Variants in KIF13A observed in about 807,000 individuals in gnomAD.
KIF13A encodes the protein kinesin-like protein KIF13A.
In KIF13A, 79 loss-of-function variants were observed where a neutral mutation model predicts 212.2. That is an observed-to-expected ratio of 0.37 (90% confidence interval 0.31 to 0.45). The LOEUF (loss-of-function observed/expected upper bound fraction) is 0.45, where lower values mean the gene tolerates loss of function less well. Ranked by LOEUF, KIF13A falls within the 20% of genes least tolerant of loss-of-function variation. The pLI, the probability that KIF13A is intolerant of heterozygous loss-of-function variation, is 1.00. For missense variants in KIF13A, 1,901 were observed against 2,209.0 expected (o/e 0.86, Z 2.79); for synonymous variants, 789 against 808.6 (o/e 0.98, Z 0.41).
rs573814461 is a variant in KIF13A at position 17,984,544 on chromosome 6, G to C, written c.146+2510C>G. ...GTCCTAGCTACACAGTCTTGGCTTT[G>C]GTTTTGTAAAATGGGGAAACAATGA... On this transcript the variant is annotated intron_variant, in intron 2 of 38. Transcript: ENST00000259711. The surrounding 1 kb of genome is among the most constrained non-coding windows in gnomAD (Gnocchi z 5.0). The C allele has an allele frequency of 6.0e-5, 59 of 984,114 alleles. No homozygotes were observed. The African/African-American group carries it at 9.5e-4, about 16-fold the overall frequency. The allele number at this position is 984,114 out of a possible 1,614,324, so 61.0% of individuals were successfully genotyped here.
chr6:17,922,487 T>C (rs997291842), intron 2 of KIF13A, among the ~76,000 whole-genome samples: 6 of 151,774 alleles, frequency 4.0e-5, no homozygotes, highest in Non-Finnish European at 8.8e-5. Flanking sequence ...AAAAAAATAA[T>C]GTTGAAAGAA....
rs755138251 is a variant in KIF13A, at chr6:17,987,371, G to T, written c.55+38C>A. The stretch of plus-strand genomic sequence containing the variant: ...GTTTCTAAAGTTGCCCCCGCCCTCA[G>T]CCCGAGCAGAAATAAAAAAGAGCGG... On this transcript the variant is annotated intron_variant, in intron 1 of 38. Coordinates refer to ENST00000259711, the MANE Select transcript of KIF13A (RefSeq NM_022113.6). The surrounding 1 kb of genome is among the most constrained non-coding windows in gnomAD (Gnocchi z 7.7). The T allele has an allele frequency of 3.8e-6, 5 of 1,317,590 alleles. No individual in the cohort carries two copies. Among genetic ancestry groups the T allele is most frequent in the Non-Finnish European group, 4.0e-6 (4 of 1,000,794 alleles). The allele number at this position is 1,317,590 out of a possible 1,614,324, so 81.6% of individuals were successfully genotyped here. A position where few individuals can be genotyped will look rare whatever the true frequency, so the allele number is the denominator to read the frequency against.
rs1379518814 is a variant in KIF13A at position 17,816,059 on chromosome 6, C to G, written c.2000+961G>C. 1.3e-5 allele frequency among the ~76,000 whole-genome samples: 2 copies of G among 149,626 alleles called. No individual in the cohort carries two copies. The highest frequency in any genetic ancestry group is 4.9e-5 in the African/African-American group (2 of 40,490). On this transcript the variant is annotated intron_variant, in intron 17 of 38. Transcript: ENST00000259711. This position sits in a 1 kb window ranked among gnomAD's most constrained non-coding sequence, Gnocchi z 4.3. ...AGTAGCTGGGATTACAGGCGCCTGC[C>G]ACCATGCGCTGCTATTTTTTCTTTT...
At chr6:17,932,222 AAAT>A (rs1440277532) in intron 2 of KIF13A, among the ~76,000 whole-genome samples, 1 of 152,196 alleles carries the variant, frequency 6.6e-6, no homozygotes, top group African/African-American at 2.4e-5. Flanking sequence ...ATACTGTTTA[AAAT>A]TTTACATCCA....
intron 38 of KIF13A, among the ~76,000 whole-genome samples, chr6:17,766,219 G>GATTT (rs57491415): frequency 0.17 from 24,045 of 144,562 alleles, 2,311 homozygotes; most frequent in Admixed American, 0.25. Context: ...TTATTTTTAA[G>GATTT]ATTTATTTAT....
At chr6:17,986,081 T>C (rs1482233494) in intron 2 of KIF13A, among the ~76,000 whole-genome samples, 3 of 152,228 alleles carry the variant, frequency 2.0e-5, no homozygotes, top group Non-Finnish European at 4.4e-5. Flanking sequence ...GAGTCTCTCT[T>C]CAGTGAAAAT....
chr6:17,930,777 C>T (rs973207253), intron 2 of KIF13A, among the ~76,000 whole-genome samples: 1 of 152,210 alleles, frequency 6.6e-6, no homozygotes, highest in Non-Finnish European at 1.5e-5. Context: ...ACGCTTCTAA[C>T]AGGCTTTCTC....
In KIF13A at chr6:17,895,813, C is replaced by T. The variant is rs1772507155; in HGVS notation, c.159+2355G>A. Among the ~76,000 whole-genome samples the T allele has an allele frequency of 6.6e-6, 1 of 152,194 alleles. No individual in the cohort carries two copies. Among genetic ancestry groups the T allele is most frequent in the South Asian group, 2.1e-4 (1 of 4,836 alleles). On this transcript the variant is annotated intron_variant, in intron 3 of 38. Transcript: ENST00000259711. This position sits in a 1 kb window ranked among gnomAD's most constrained non-coding sequence, Gnocchi z 4.4. ...TAACTTGGCTTATCTCCAGTGCCTT[C>T]AAGCACAAGTTTTTAATATTTTGTC... is the stretch of plus-strand genomic sequence containing the variant.
chr6:17,984,387 G>T lies in KIF13A; in HGVS notation c.146+2667C>A. 3.3e-6 allele frequency: 1 copy of T among 307,530 alleles called. No homozygotes were observed. The highest frequency in any genetic ancestry group is 4.8e-6 in the Non-Finnish European group (1 of 210,396). 19.1% of individuals were successfully genotyped at this position (307,530 alleles called of 1,614,324 possible). On this transcript the variant is annotated intron_variant, in intron 2 of 38. Transcript: ENST00000259711. This position sits in a 1 kb window ranked among gnomAD's most constrained non-coding sequence, Gnocchi z 5.0. ...ATGGTATTTTAAGAAACAAATCCATGTGTCTTAATGTTTCAGAATGGTGAT... is the reference window on the plus strand; with the variant it reads ...ATGGTATTTTAAGAAACAAATCCATTTGTCTTAATGTTTCAGAATGGTGAT...
At chr6:17,858,279 T>C (rs1286944383) in intron 4 of KIF13A, among the ~76,000 whole-genome samples, 7 of 152,246 alleles carry the variant, frequency 4.6e-5, no homozygotes, top group African/African-American at 1.2e-4. Flanking sequence ...AACAAGTTGG[T>C]GGAATATGTG....
rs1770103223 is a variant in KIF13A at position 17,872,426 on chromosome 6, T to C, written c.220+951A>G. Among the ~76,000 whole-genome samples the C allele has an allele frequency of 6.6e-6, 1 of 152,180 alleles. No individual in the cohort carries two copies. The highest frequency in any genetic ancestry group is 1.5e-5 in the Non-Finnish European group (1 of 68,014). On this transcript the variant is annotated intron_variant, in intron 4 of 38. Transcript: ENST00000259711. The surrounding 1 kb of genome is among the most constrained non-coding windows in gnomAD (Gnocchi z 4.7). ...AAGAAATAGTTCACGAGCTCTATTG[T>C]ACAACACGGTGACTATAGTTAATAA... is the stretch of plus-strand genomic sequence containing the variant.
In KIF13A at chr6:17,898,679, CAT is replaced by C. The variant is rs1479799845; in HGVS notation, c.147-501_147-500del. Among the ~76,000 whole-genome samples the C allele has an allele frequency of 6.6e-6, 1 of 151,880 alleles. No individual in the cohort carries two copies. Among genetic ancestry groups the C allele is most frequent in the Admixed American group, 6.6e-5 (1 of 15,240 alleles). On this transcript the variant is annotated intron_variant, in intron 2 of 38. Transcript: ENST00000259711. This position sits in a 1 kb window ranked among gnomAD's most constrained non-coding sequence, Gnocchi z 5.2. ...TTAAAAACCATGGTTTTAAATAACT[CAT>C]ATTTTTTAACACTGAATAGACATTT...
intron 3 of KIF13A, chr6:17,881,879 C>G (rs780919841): frequency 1.8e-4 from 68 of 383,694 alleles, no homozygotes; most frequent in South Asian, 1.3e-3. Context: ...GCCTGTTATT[C>G]CAGCTACTCG....
At chr6:17,891,413 CT>C (rs1000554799) in intron 3 of KIF13A, among the ~76,000 whole-genome samples, 38 of 152,272 alleles carry the variant, frequency 2.5e-4, no homozygotes, top group South Asian at 1.9e-3. Flanking sequence ...TTAAATCTAA[CT>C]TTTAAAACTC....
intron 2 of KIF13A, among the ~76,000 whole-genome samples, chr6:17,983,456 ACACCCACCC>A (rs1432612001): frequency 1.5e-5 from 2 of 135,152 alleles, no homozygotes; most frequent in Admixed American, 7.5e-5. Context: ...CCCTTCACCC[ACACCCACCC>A]CACCCCCAAA....
chr6:17,861,365 C>T (rs1369244801), intron 4 of KIF13A, among the ~76,000 whole-genome samples: 1 of 151,730 alleles, frequency 6.6e-6, no homozygotes, highest in East Asian at 1.9e-4. Context: ...TATACATCAA[C>T]ATTAGCATTT....
chr6:17,868,072 C>T (rs758755814), intron 4 of KIF13A, among the ~76,000 whole-genome samples: 7 of 152,156 alleles, frequency 4.6e-5, no homozygotes, highest in Admixed American at 1.3e-4. Context: ...TAACAATGCT[C>T]GAAGACACAT....
In KIF13A at chr6:17,823,917, C is replaced by CTTTT. The variant is rs60400987; in HGVS notation, c.1786+1847_1786+1850dup. The stretch of plus-strand genomic sequence containing the variant: ...CATGCCTGGCGTTTAATTTAAATTT[C>CTTTT]TTTTTTTTTTTTTGATAAGGAGTCT... On this transcript the variant is annotated intron_variant, in intron 16 of 38. Coordinates refer to ENST00000259711, the MANE Select transcript of KIF13A (RefSeq NM_022113.6). Among the ~76,000 whole-genome samples the CTTTT allele has an allele frequency of 7.0e-3, 963 of 137,942 alleles. 15 individuals are homozygous for CTTTT. Among genetic ancestry groups the CTTTT allele is most frequent in the African/African-American group, 0.019 (713 of 37,354 alleles). 90.5% of individuals were successfully genotyped at this position (137,942 alleles called of 152,430 possible).
intron 4 of KIF13A, among the ~76,000 whole-genome samples, chr6:17,862,485 T>G (rs1396510165): frequency 6.6e-6 from 1 of 152,168 alleles, no homozygotes; most frequent in African/African-American, 2.4e-5. Context: ...GCAACAATTT[T>G]GTGGCATAAT....
Sources: allele counts gnomAD v4.1 joint callset (sites outside exome capture counted in the v4.1 genomes callset), GRCh38; gene constraint gnomAD v4.1.1; non-coding constraint Gnocchi (gnomAD v3.1); transcripts MANE v1.5; gene names NCBI Gene and HGNC (gene_info 2026-07-23, HGNC 2026-07-21).